Variants in CLCNKB observed in about 807,000 individuals in gnomAD.
CLCNKB encodes chloride channel protein ClC-Kb.
A neutral mutation model predicts 83.8 loss-of-function variants in CLCNKB; 74 were observed. The observed-to-expected ratio is 0.88, with a 90% CI of 0.73 to 1.07. CLCNKB has a LOEUF of 1.07. Ranked by LOEUF, CLCNKB falls within the 50% of genes least tolerant of loss-of-function variation. The pLI is 0.00. For synonymous variants in CLCNKB, 358 were observed against 356.6 expected, an observed-to-expected ratio of 1.00 and a Z score of -0.04; for missense variants, 798 against 893.6, an observed-to-expected ratio of 0.89 and a Z score of 1.36.
At chr1:16,048,963 C>T (rs763231500) in intron 7 of CLCNKB, 157 bp from the exon 8 acceptor site, 3 of 1,527,556 alleles carry the variant, frequency 2.0e-6, no homozygotes, top group Non-Finnish European at 2.6e-6. Context: ...TCCTCCCCGC[C>T]CAGGGCGCAT....
At chr1:16,054,713 T>G (rs3768291) in intron 16 of CLCNKB, among the ~76,000 whole-genome samples, 64,262 of 151,384 alleles carry the variant, frequency 0.42, 14,348 homozygotes, top group East Asian at 0.8. Flanking sequence ...ACTTCCTGGA[T>G]CAAAGAAAGA....
chr1:16,053,816 C>T, intron 16 of CLCNKB, 44 bp downstream of exon 16: 1 of 1,611,914 alleles, frequency 6.2e-7, no homozygotes, highest in Non-Finnish European at 8.5e-7. Flanking sequence ...TAGGGGATGC[C>T]CTCTGCCTCC....
chr1:16,045,232 G>A (rs2023064859), intron 2 of CLCNKB, among the ~76,000 whole-genome samples: 1 of 152,172 alleles, frequency 6.6e-6, no homozygotes, highest in Non-Finnish European at 1.5e-5. Context: ...GGGGATGCAG[G>A]TGAAAGCTGT....
rs764065298 is a variant in CLCNKB at position 16,055,806 on chromosome 1, G to A, written c.1929+48G>A. On this transcript the variant is annotated intron_variant, in intron 18 of 19. Coordinates refer to ENST00000375679, the MANE Select transcript of CLCNKB (RefSeq NM_000085.5). ...GTGACACATGAGGCCTCTGGGTGGG[G>A]GAAGAGCTGATGAGGAGCTCACGCT... 1.2e-5 allele frequency: 19 copies of A among 1,566,642 alleles called. No homozygotes were observed. The South Asian group carries it at 2.0e-4, about 17-fold the overall frequency.
In CLCNKB at chr1:16,052,290, G is replaced by C; in HGVS notation, c.1501G>C (p.Val501Leu). ...CGGCCAGATAGTGCATGCACTGCCC[G>C]TGCTGATGGCGGTGCTGGCAGCCAA... ...VTGQIVHALP[V>L]LMAVLAANAI... Residue 501 changes from valine (V) to leucine (L), a missense_variant, in exon 15 of 20, where the codon GTG (valine) becomes CTG (leucine). By Grantham distance (32) the Val-to-Leu change is conservative. Coordinates refer to ENST00000375679, the MANE Select transcript of CLCNKB (RefSeq NM_000085.5). 1.9e-6 allele frequency: 3 copies of C among 1,613,336 alleles called. No individual in the cohort carries two copies. The highest frequency in any genetic ancestry group is 2.5e-6 in the Non-Finnish European group (3 of 1,180,044).
rs748118246 is a variant in CLCNKB at position 16,050,507 on chromosome 1, C to T, written c.969-9C>T. On this transcript the variant is annotated splice_polypyrimidine_tract_variant and intron_variant, in intron 10 of 19. Transcript: ENST00000375679. ...AGGGCCAGCCCTAGAGCCCACCCATCCCCCACAGCAAGCCTGTGTACTCCG... is the reference window on the plus strand; with the variant it reads ...AGGGCCAGCCCTAGAGCCCACCCATTCCCCACAGCAAGCCTGTGTACTCCG... The T allele has an allele frequency of 7.4e-6, 12 of 1,613,920 alleles. No homozygotes were observed. The highest frequency in any genetic ancestry group is 1.7e-4 in the Middle Eastern group (1 of 6,060).
At position 16,057,073 on chromosome 1, in the gene CLCNKB, T is replaced by A; in HGVS notation, c.*157T>A. The A allele has an allele frequency of 1.3e-6, 1 of 761,546 alleles. No individual in the cohort carries two copies. Among genetic ancestry groups the A allele is most frequent in the Non-Finnish European group, 2.3e-6 (1 of 429,766 alleles). The allele number at this position is 761,546 out of a possible 1,614,324, so 47.2% of individuals were successfully genotyped here. On this transcript the variant is annotated 3_prime_UTR_variant, in exon 20 of 20. Transcript: ENST00000375679. ...AACTTTAACCTAGCCCAGAAGAGGA[T>A]GGCTCATCCTGGGTGGGACGATGGC...
rs139876582 is a variant in CLCNKB, at chr1:16,047,954, G to A, written c.408G>A (p.Glu136=). ...VKTMLAGVVL[E]DYLDIKNFGA... ...CCATGTTGGCGGGTGTGGTCTTGGA[G>A]GACTACCTGGATATCAAGAACTTTG... The change falls in exon 5 of 20, where the codon GAG becomes GAA. Residue 136 remains glutamate, a synonymous_variant. Transcript: ENST00000375679. The A allele has an allele frequency of 6.8e-6, 11 of 1,614,006 alleles. No homozygotes were observed. The highest frequency in any genetic ancestry group is 1.7e-4 in the Middle Eastern group (1 of 6,052).
intron 18 of CLCNKB, 118 bp from the exon 19 acceptor site, chr1:16,056,304 T>C (rs572904817): frequency 1.9e-6 from 2 of 1,061,252 alleles, no homozygotes; most frequent in African/African-American, 1.6e-5. Context: ...CTGGGTCTCT[T>C]GTCTCCCACA....
At chr1:16,045,304 G>A (rs972061546) in intron 2 of CLCNKB, among the ~76,000 whole-genome samples, 3 of 152,186 alleles carry the variant, frequency 2.0e-5, no homozygotes, top group Non-Finnish European at 4.4e-5. Flanking sequence ...GCAGGGATGC[G>A]GAGGGTCGGC....
intron 7 of CLCNKB, 135 bp from the exon 8 acceptor site, chr1:16,048,985 C>T (rs753503431): frequency 1.3e-6 from 2 of 1,580,338 alleles, no homozygotes; most frequent in South Asian, 2.3e-5. Context: ...CCCTGCCCTC[C>T]CCTCCTGTCT....
chr1:16,049,011 G>T, intron 7 of CLCNKB, 109 bp from the exon 8 acceptor site: 1 of 1,603,992 alleles, frequency 6.2e-7, no homozygotes, highest in Non-Finnish European at 8.5e-7. Flanking sequence ...TGTCCGGGCT[G>T]CAGGAGAGCA....
rs573183393 is a variant in CLCNKB, at chr1:16,056,589, GA to G, written c.2016+82del. ...GGAGGTGGGGAGGTGGGGTGGGGGG[GA>G]CACCAGCATGCTCCCATCCAAACCT... is the stretch of plus-strand genomic sequence containing the variant. On this transcript the variant is annotated intron_variant, in intron 19 of 19. Transcript: ENST00000375679. 2.4e-4 allele frequency: 129 copies of G among 534,594 alleles called. 3 individuals carry two copies. The highest frequency in any genetic ancestry group is 1.7e-3 in the South Asian group (115 of 66,648). 33.1% of individuals were successfully genotyped at this position (534,594 alleles called of 1,614,324 possible). A position where few individuals can be genotyped will look rare whatever the true frequency, so the allele number is the denominator to read the frequency against.
At chr1:16,055,859 C>A in intron 18 of CLCNKB, 101 bp downstream of exon 18, 1 of 1,085,676 alleles carries the variant, frequency 9.2e-7, no homozygotes, top group Non-Finnish European at 1.4e-6. Context: ...CCCCGCCCTG[C>A]CCGTCTTATG....
rs75909377 is a variant in CLCNKB at position 16,044,217 on chromosome 1, T to C, written c.-7-269T>C. Among the ~76,000 whole-genome samples, 19,774 of 139,220 alleles carry C rather than the reference T, an allele frequency of 0.14. 1,627 individuals are homozygous for C. The highest frequency in any genetic ancestry group is 0.22 in the African/African-American group (9,050 of 40,310). 91.3% of individuals were successfully genotyped at this position (139,220 alleles called of 152,430 possible). A position where few individuals can be genotyped will look rare whatever the true frequency, so the allele number is the denominator to read the frequency against. ...TGAGCAGGGCTTGGGCTCCGGCCTG[T>C]GCCCAGTCTGCTGCTGGACACAGGG... On this transcript the variant is annotated intron_variant, in intron 1 of 19. Coordinates refer to ENST00000375679, the MANE Select transcript of CLCNKB (RefSeq NM_000085.5).
chr1:16,049,288 C>T (rs199948309), intron 8 of CLCNKB, 43 bp downstream of exon 8: 5 of 1,609,460 alleles, frequency 3.1e-6, no homozygotes, highest in Non-Finnish European at 4.2e-6. Context: ...GCCTGGGGGC[C>T]GGGGCGAGGG....
rs764966080 is a variant in CLCNKB, at chr1:16,051,494, T to A, written c.1244T>A (p.Leu415Gln). The change falls in exon 13 of 20, where the codon CTG (leucine) becomes CAG (glutamine). Residue 415 changes from leucine to glutamine, a missense_variant. Coordinates refer to ENST00000375679, the MANE Select transcript of CLCNKB (RefSeq NM_000085.5). ...FLVMKFWMLI[L>Q]ATTIPMPAGY... is the part of the protein sequence containing the mutation. ...CTCCCACAGTTCTGGATGCTGATTC[T>A]GGCCACCACCATCCCCATGCCTGCC... 5.6e-6 allele frequency: 9 copies of A among 1,614,042 alleles called. No individual in the cohort carries two copies. In the East Asian group the frequency reaches 2.0e-4, roughly 36 times the overall value.
intron 15 of CLCNKB, among the ~76,000 whole-genome samples, chr1:16,053,261 C>G (rs1355854685): frequency 2.0e-5 from 3 of 152,308 alleles, no homozygotes; most frequent in African/African-American, 7.2e-5. Context: ...TTCCTGGCAT[C>G]AAGTGATCCA....
intron 15 of CLCNKB, among the ~76,000 whole-genome samples, 198 bp from the exon 16 acceptor site, chr1:16,053,441 G>A (rs2023352565): frequency 6.6e-6 from 1 of 152,268 alleles, no homozygotes; most frequent in Admixed American, 6.5e-5. Flanking sequence ...ATTCGCAACT[G>A]GGTCATCGGC....
Sources: allele counts gnomAD v4.1 joint callset (sites outside exome capture counted in the v4.1 genomes callset), GRCh38; gene constraint gnomAD v4.1.1; transcripts MANE v1.5; gene names NCBI Gene and HGNC (gene_info 2026-07-23, HGNC 2026-07-21).